The following DNAJC10 variants were observed in gnomAD, a reference collection of about 807,000 sequenced individuals.
DNAJC10 encodes endoplasmic reticulum disulfide reductase DNAJC10.
In DNAJC10, 101 loss-of-function variants were observed where a neutral mutation model predicts 115.0. The ratio of observed to expected loss-of-function variants is 0.88; its 90% confidence interval spans 0.75 to 1.04. The LOEUF (loss-of-function observed/expected upper bound fraction) is 1.04. DNAJC10 is among the 50% of genes least tolerant of loss of function. DNAJC10 has a pLI of 0.00. For synonymous variants in DNAJC10, 307 were observed against 301.5 expected, an observed-to-expected ratio of 1.02 and a Z score of -0.19; for missense variants, 981 against 928.8, an observed-to-expected ratio of 1.06 and a Z score of -0.73.
intron 15 of DNAJC10, 52 bp downstream of exon 15, chr2:182,751,837 A>T: frequency 6.3e-7 from 1 of 1,583,756 alleles, no homozygotes; most frequent in Non-Finnish European, 8.6e-7. Context: ...TTCTCCTGTT[A>T]TGGCAAAAAG....
Position 182,718,119 on chromosome 2 carries a change from C to A in DNAJC10, c.33C>A (p.Ile11=). The A allele has an allele frequency of 6.2e-7, 1 of 1,611,544 alleles. No homozygotes were observed. The highest frequency in any genetic ancestry group is 8.5e-7 in the Non-Finnish European group (1 of 1,179,002). The stretch of plus-strand genomic sequence containing the variant: ...TCTGGTTAAATAAAGATGACTATAT[C>A]AGAGACTTGAAAAGGATCATTCTCT... MGVWLNKDDY[I]RDLKRIILCF... Residue 11 remains isoleucine (I), a synonymous_variant, in exon 3 of 24, where the codon ATC becomes ATA. Transcript: ENST00000264065.
rs1011700263 is a variant in DNAJC10, at chr2:182,786,095, A to G, written c.*8963A>G. The G allele has an allele frequency of 6.6e-6, 1 of 152,186 alleles. No individual in the cohort carries two copies. Among genetic ancestry groups the G allele is most frequent in the African/African-American group, 2.4e-5 (1 of 41,452 alleles). 9.4% of individuals were successfully genotyped at this position (152,186 alleles called of 1,614,324 possible). On this transcript the variant is annotated 3_prime_UTR_variant, in exon 24 of 24. Transcript: ENST00000264065. Reference sequence around the variant, plus strand: ...GATTATATATTTGTTTTGCTGGAAAATGTTCCATGATACAGTTTTAATAAC... The same window carrying G: ...GATTATATATTTGTTTTGCTGGAAAGTGTTCCATGATACAGTTTTAATAAC...
rs1194486328 is a variant in DNAJC10 at position 182,785,939 on chromosome 2, A to T, written c.*8807A>T. The T allele has an allele frequency of 6.6e-6, 1 of 152,162 alleles. No homozygotes were observed. Among genetic ancestry groups the T allele is most frequent in the Admixed American group, 6.5e-5 (1 of 15,276 alleles). 9.4% of individuals were successfully genotyped at this position (152,162 alleles called of 1,614,324 possible). ...TGAAAATGTTTGGCATTTGCTTTAA[A>T]ATAATCCAGTAACCAGGATCTGAGA... On this transcript the variant is annotated 3_prime_UTR_variant, in exon 24 of 24. Transcript: ENST00000264065.
chr2:182,768,265 C>T (rs1694468174), intron 22 of DNAJC10, among the ~76,000 whole-genome samples: 2 of 152,238 alleles, frequency 1.3e-5, no homozygotes, highest in South Asian at 4.1e-4. Flanking sequence ...GAATCAACAG[C>T]TCTATTTCTC....
At position 182,731,217 on chromosome 2, in the gene DNAJC10, T is replaced by G; in HGVS notation, c.805+110T>G. The G allele has an allele frequency of 4.4e-6, 3 of 677,290 alleles. No individual in the cohort carries two copies. The South Asian group carries it at 7.0e-5, about 16-fold the overall frequency. 42.0% of individuals were successfully genotyped at this position (677,290 alleles called of 1,614,324 possible). ...TTATTAAGTACTAGAAACTACAATT[T>G]ATGCCCAGGATTACAATTTTTTTAC... On this transcript the variant is annotated intron_variant, in intron 9 of 23. Transcript: ENST00000264065.
intron 22 of DNAJC10, among the ~76,000 whole-genome samples, chr2:182,766,644 G>A (rs1694420313): frequency 1.3e-5 from 2 of 152,028 alleles, no homozygotes; most frequent in African/African-American, 2.4e-5. Flanking sequence ...AAAAAGACAC[G>A]GCCAGAAAGG....
At chr2:182,759,091 ATAT>A in intron 20 of DNAJC10, 66 bp from the exon 21 acceptor site, 3 of 1,341,290 alleles carry the variant, frequency 2.2e-6, no homozygotes, top group Non-Finnish European at 2.1e-6. Flanking sequence ...AAGTATTACA[ATAT>A]TATTGCATTT....
intron 22 of DNAJC10, among the ~76,000 whole-genome samples, chr2:182,772,698 C>G (rs1694599168): frequency 6.6e-6 from 1 of 152,110 alleles, no homozygotes; most frequent in South Asian, 2.1e-4. Context: ...CTTGGTAGAT[C>G]TTCCTCCATC....
At chr2:182,762,975 T>C (rs1386727520) in intron 22 of DNAJC10, among the ~76,000 whole-genome samples, 174 bp downstream of exon 22, 3 of 152,146 alleles carry the variant, frequency 2.0e-5, no homozygotes, top group Admixed American at 1.3e-4. Flanking sequence ...TCTTAAAAGG[T>C]TTTTTGTCTT....
At position 182,784,560 on chromosome 2, in the gene DNAJC10, T is replaced by A. The variant is rs909774250; in HGVS notation, c.*7428T>A. On this transcript the variant is annotated 3_prime_UTR_variant, in exon 24 of 24. Transcript: ENST00000264065. ...ACTGTTGACTGTGTTTAAAACTAAT[T>A]TGCCAGAGCTCTACTGTGATAAGAA... is the stretch of plus-strand genomic sequence containing the variant. The A allele has an allele frequency of 3.9e-5, 6 of 152,110 alleles. No homozygotes were observed. Among genetic ancestry groups the A allele is most frequent in the Non-Finnish European group, 7.4e-5 (5 of 68,024 alleles). 9.4% of individuals were successfully genotyped at this position (152,110 alleles called of 1,614,324 possible). A position where few individuals can be genotyped will look rare whatever the true frequency, so the allele number is the denominator to read the frequency against.
chr2:182,775,883 T>C (rs1178007498), intron 23 of DNAJC10, among the ~76,000 whole-genome samples: 1 of 152,164 alleles, frequency 6.6e-6, no homozygotes, highest in Non-Finnish European at 1.5e-5. Flanking sequence ...ATACTATTGA[T>C]GTTAAATATC....
Position 182,757,788 on chromosome 2 carries a change from T to C in DNAJC10, c.1906T>C (p.Phe636Leu), listed in dbSNP as rs766622018. The change falls in exon 19 of 24, where the codon TTT (phenylalanine) becomes CTT (leucine). Residue 636 changes from phenylalanine to leucine, a missense_variant. Physicochemically the swap from Phe to Leu is conservative, Grantham distance 22. Coordinates refer to ENST00000264065, the MANE Select transcript of DNAJC10 (RefSeq NM_018981.4). Reference protein sequence around the residue: ...ENVQRYPEIRFFPPKSNKAYH... With the variant: ...ENVQRYPEIRLFPPKSNKAYH... ...CGTTCAAAGATACCCTGAGATAAGA[T>C]TTTTTCCCCCAAAATCAAATAAAGC... 7 of 1,558,516 alleles carry C rather than the reference T, an allele frequency of 4.5e-6. No homozygotes were observed. The East Asian group carries it at 6.8e-5, about 15-fold the overall frequency.
intron 21 of DNAJC10, among the ~76,000 whole-genome samples, chr2:182,761,122 T>C (rs1298742672): frequency 6.6e-6 from 1 of 152,110 alleles, no homozygotes; most frequent in African/African-American, 2.4e-5. Context: ...AGAAATTCCA[T>C]GTCTTTAAGG....
In DNAJC10 at chr2:182,762,789, C is replaced by T. The variant is rs1398172618; in HGVS notation, c.2253C>T (p.Tyr751=). Residue 751 remains tyrosine, a synonymous_variant, in exon 22 of 24, where the codon TAC becomes TAT. Coordinates refer to ENST00000264065, the MANE Select transcript of DNAJC10 (RefSeq NM_018981.4). ...ATCCAACTGTTAAATTTTATTTCTACGAAAGAGCAAAGGTATGTCCAGACT... is the reference window on the plus strand; with the variant it reads ...ATCCAACTGTTAAATTTTATTTCTATGAAAGAGCAAAGGTATGTCCAGACT... The part of the protein sequence containing the change: ...RAYPTVKFYF[Y]ERAKRNFQEE... 8.1e-6 allele frequency: 13 copies of T among 1,611,556 alleles called. No homozygotes were observed. The African/African-American group carries it at 1.1e-4, about 13-fold the overall frequency.
chr2:182,738,389 C>T (rs1216962283), intron 11 of DNAJC10, among the ~76,000 whole-genome samples: 11 of 152,140 alleles, frequency 7.2e-5, no homozygotes. Context: ...AGCCTCTTGC[C>T]TTGAGTATTA....
Position 182,783,433 on chromosome 2 carries a change from C to G in DNAJC10, c.*6301C>G, listed in dbSNP as rs933807248. On this transcript the variant is annotated 3_prime_UTR_variant, in exon 24 of 24. Transcript: ENST00000264065. Reference sequence around the variant, plus strand: ...CGTTAAGGCAAAAAATACATATACACACACAAAAAAAATATTTCAGCAGCC... The same window carrying G: ...CGTTAAGGCAAAAAATACATATACAGACACAAAAAAAATATTTCAGCAGCC... 6.6e-6 allele frequency: 1 copy of G among 152,014 alleles called. No homozygotes were observed. The highest frequency in any genetic ancestry group is 2.4e-5 in the African/African-American group (1 of 41,394). 9.4% of individuals were successfully genotyped at this position (152,014 alleles called of 1,614,324 possible). A position where few individuals can be genotyped will look rare whatever the true frequency, so the allele number is the denominator to read the frequency against.
At chr2:182,734,357 A>G (rs1021171522) in intron 10 of DNAJC10, among the ~76,000 whole-genome samples, 1 of 151,554 alleles carries the variant, frequency 6.6e-6, no homozygotes, top group Non-Finnish European at 1.5e-5. Flanking sequence ...CACAGATTCT[A>G]TATTTTTTGT....
intron 5 of DNAJC10, among the ~76,000 whole-genome samples, chr2:182,722,303 A>G (rs191503479): frequency 8.2e-4 from 125 of 152,302 alleles, no homozygotes; most frequent in Non-Finnish European, 1.6e-3. Context: ...AAATAAAAGA[A>G]ATTTAAAAAT....
At chr2:182,773,304 T>C (rs189332358) in intron 22 of DNAJC10, among the ~76,000 whole-genome samples, 1 of 152,304 alleles carries the variant, frequency 6.6e-6, no homozygotes, top group East Asian at 1.9e-4. Flanking sequence ...CTGACAATTA[T>C]GTGTCTTGGG....
Sources: gnomAD v4.1 joint callset for allele counts (sites outside exome capture counted in the v4.1 genomes callset) on GRCh38, gnomAD v4.1.1 for gene constraint, MANE v1.5 for transcripts, NCBI Gene and HGNC (gene_info 2026-07-23, HGNC 2026-07-21) for gene names.